The following MEGF11 variants were observed in gnomAD, a reference collection of about 807,000 sequenced individuals.
MEGF11 encodes multiple EGF like domains 11, also known as multiple epidermal growth factor-like domains protein 11.
In MEGF11, 126 loss-of-function variants were observed where a neutral mutation model predicts 146.6. The observed-to-expected ratio is 0.86, with a 90% confidence interval of 0.74 to 1.00. MEGF11 has a LOEUF of 1.00. MEGF11 is among the 50% of genes least tolerant of loss of function. The probability of loss-of-function intolerance (pLI) is 0.00; values close to 1 mark genes in which losing one functional copy is unlikely to be tolerated. For missense variants in MEGF11, 1,509 were observed against 1,521.2 expected (o/e 0.99, Z 0.13); for synonymous variants, 532 against 583.4 (o/e 0.91, Z 1.27).
At chr15:66,103,160 G>A (rs2086898504) in intron 4 of MEGF11, among the ~76,000 whole-genome samples, 2 of 152,270 alleles carry the variant, frequency 1.3e-5, no homozygotes, top group Non-Finnish European at 2.9e-5. Flanking sequence ...ACCGCACACA[G>A]TGGGGGTCAG....
At chr15:65,958,677 T>C (rs889368949) in intron 9 of MEGF11, among the ~76,000 whole-genome samples, 3 of 152,192 alleles carry the variant, frequency 2.0e-5, no homozygotes, top group African/African-American at 7.2e-5. Context: ...CTTAGAACCG[T>C]GCTGTGGGTT....
intron 1 of MEGF11, among the ~76,000 whole-genome samples, chr15:66,160,098 A>G (rs953831462): frequency 1.3e-5 from 2 of 152,162 alleles, no homozygotes; most frequent in Non-Finnish European, 2.9e-5. Flanking sequence ...ACCAGCCCCA[A>G]AGGCTGAGTT....
At chr15:66,163,888 T>C (rs921865877) in intron 1 of MEGF11, among the ~76,000 whole-genome samples, 12 of 152,186 alleles carry the variant, frequency 7.9e-5, no homozygotes, top group Non-Finnish European at 1.2e-4. Flanking sequence ...GAGAAGAGCT[T>C]GTGCCACCGT....
chr15:65,978,184 G>A (rs749277091), intron 7 of MEGF11, among the ~76,000 whole-genome samples: 8 of 152,228 alleles, frequency 5.3e-5, no homozygotes, highest in Admixed American at 6.5e-5. Flanking sequence ...GTTGGAAAAT[G>A]TGTGGTTGAA....
rs572259506 is a variant in MEGF11 at position 66,009,759 on chromosome 15, A to AT, written c.395-27272dup. 7.0e-3 allele frequency among the ~76,000 whole-genome samples: 1,056 copies of AT among 151,704 alleles called. 3 individuals carry two copies. Among genetic ancestry groups the AT allele is most frequent in the Non-Finnish European group, 8.9e-3 (602 of 67,858 alleles). The stretch of plus-strand genomic sequence containing the variant: ...AGACACATGCCAACGTGCCTGGCTA[A>AT]TTTTTTTTGAATTTTTAGTAGAGGC... On this transcript the variant is annotated intron_variant, in intron 5 of 25. Coordinates refer to ENST00000395614, the MANE Select transcript of MEGF11 (RefSeq NM_001385028.1).
rs1337881831 is a variant in MEGF11, at chr15:65,928,523, C to T, written c.1577G>A (p.Gly526Asp). 1.9e-6 allele frequency: 3 copies of T among 1,596,546 alleles called. No homozygotes were observed. Among genetic ancestry groups the T allele is most frequent in the South Asian group, 1.1e-5 (1 of 88,010 alleles). ...TTCACTGCAGTTCAGCCCAAATGTG[C>T]CATCCTGTGGAGAAGACAGGGAGAG... ...GDTCELPCPD[G>D]TFGLNCSEHC... Residue 526 changes from glycine to aspartate, a missense_variant, in exon 13 of 26, where the codon GGC becomes GAC. Coordinates refer to ENST00000395614, the MANE Select transcript of MEGF11 (RefSeq NM_001385028.1).
At position 65,965,057 on chromosome 15, in the gene MEGF11, G is replaced by A. The variant is rs761657599; in HGVS notation, c.963C>T (p.His321=). The change falls in exon 9 of 26, where the codon CAC becomes CAT. Residue 321 remains histidine, a synonymous_variant. Coordinates refer to ENST00000395614, the MANE Select transcript of MEGF11 (RefSeq NM_001385028.1). Reference sequence around the variant, plus strand: ...TGGTGGGTGAACACTGCCCCCCATTGTGGCAGTCACAGTGCTGTGAGCACT... The same window carrying A: ...TGGTGGGTGAACACTGCCCCCCATTATGGCAGTCACAGTGCTGTGAGCACT... ...GFQCSQHCDC[H]NGGQCSPTTG... is the part of the protein sequence containing the mutation. 5 of 1,595,278 alleles carry A rather than the reference G, an allele frequency of 3.1e-6. No homozygotes were observed. The South Asian group carries it at 3.4e-5, about 11-fold the overall frequency.
At chr15:66,029,005 G>T (rs1453991449) in intron 5 of MEGF11, among the ~76,000 whole-genome samples, 1 of 152,216 alleles carries the variant, frequency 6.6e-6, no homozygotes, top group African/African-American at 2.4e-5. Flanking sequence ...TACAAGGAGA[G>T]AGAGGAGGGG....
rs575779794 is a variant in MEGF11 at position 65,937,636 on chromosome 15, T to C, written c.1288-6693A>G. On this transcript the variant is annotated intron_variant, in intron 10 of 25. Coordinates refer to ENST00000395614, the MANE Select transcript of MEGF11 (RefSeq NM_001385028.1). ...CTGGTGTCCAAGGCCAGTCATATATTGGACAAATACAATTTGGCCAGTGGC... is the reference window on the plus strand; with the variant it reads ...CTGGTGTCCAAGGCCAGTCATATATCGGACAAATACAATTTGGCCAGTGGC... 3.3e-5 allele frequency among the ~76,000 whole-genome samples: 5 copies of C among 152,340 alleles called. No homozygotes were observed. The South Asian group carries it at 8.3e-4, about 25-fold the overall frequency.
intron 5 of MEGF11, among the ~76,000 whole-genome samples, chr15:65,997,459 C>T (rs1378591940): frequency 6.6e-6 from 1 of 152,228 alleles, no homozygotes; most frequent in African/African-American, 2.4e-5. Flanking sequence ...GTAAGCAAAG[C>T]AAGGCCTTTA....
chr15:66,067,470 C>G (rs189171249), intron 5 of MEGF11, among the ~76,000 whole-genome samples: 1 of 152,286 alleles, frequency 6.6e-6, no homozygotes, highest in East Asian at 1.9e-4. Flanking sequence ...TTGCTGGAGG[C>G]CTTAAAGCTG....
intron 5 of MEGF11, among the ~76,000 whole-genome samples, chr15:66,013,432 C>G (rs1179614216): frequency 2.6e-5 from 4 of 152,086 alleles, no homozygotes; most frequent in African/African-American, 9.7e-5. Flanking sequence ...TGTTGCACAC[C>G]TGCAATCCTG....
chr15:66,169,427 ACACT>A (rs2141107692), intron 1 of MEGF11, among the ~76,000 whole-genome samples: 1 of 152,334 alleles, frequency 6.6e-6, no homozygotes, highest in Non-Finnish European at 1.5e-5. Flanking sequence ...GATGGTCCTG[ACACT>A]CAGTGAGGGA....
intron 1 of MEGF11, among the ~76,000 whole-genome samples, chr15:66,207,799 G>C (rs2091339271): frequency 6.6e-6 from 1 of 152,190 alleles, no homozygotes. Flanking sequence ...AGGAGAAGGA[G>C]AGGCCGGGAA....
At chr15:66,123,168 C>T (rs1597105629) in intron 3 of MEGF11, among the ~76,000 whole-genome samples, 2 of 152,336 alleles carry the variant, frequency 1.3e-5, no homozygotes, top group South Asian at 2.1e-4. Context: ...TTGTTTCTTC[C>T]TTCCTCTTGC....
intron 5 of MEGF11, among the ~76,000 whole-genome samples, chr15:66,049,115 T>C (rs2140338193): frequency 6.6e-6 from 1 of 152,262 alleles, no homozygotes; most frequent in East Asian, 1.9e-4. Context: ...AGTCACAGCA[T>C]AAGCTGGAGT....
chr15:66,004,296 TTCTG>T (rs2082455422), intron 5 of MEGF11, among the ~76,000 whole-genome samples: 1 of 152,120 alleles, frequency 6.6e-6, no homozygotes, highest in African/African-American at 2.4e-5. Context: ...CTAGGAACTC[TTCTG>T]TCTCTGACAT....
intron 12 of MEGF11, 53 bp from the exon 13 acceptor site, chr15:65,928,580 T>C: frequency 8.0e-7 from 1 of 1,250,660 alleles, no homozygotes. Flanking sequence ...TCCAGAGGTT[T>C]GTGTACTTCT....
intron 1 of MEGF11, among the ~76,000 whole-genome samples, chr15:66,143,116 T>C (rs1015724978): frequency 2.0e-5 from 3 of 152,208 alleles, no homozygotes; most frequent in Non-Finnish European, 2.9e-5. Context: ...AGTGCGGATA[T>C]CAATAAACAT....
Sources: allele counts gnomAD v4.1 joint callset (sites outside exome capture counted in the v4.1 genomes callset), GRCh38; gene constraint gnomAD v4.1.1; transcripts MANE v1.5; gene names NCBI Gene and HGNC (gene_info 2026-07-23, HGNC 2026-07-21).